The following KCTD20 variants were observed in gnomAD, a reference collection of about 807,000 sequenced individuals.
KCTD20 encodes BTB/POZ domain-containing protein KCTD20.
In KCTD20, 30 loss-of-function variants were observed where a neutral mutation model predicts 39.6. The ratio of observed to expected loss-of-function variants is 0.76; its 90% CI spans 0.57 to 1.03. KCTD20 has a LOEUF of 1.03. Among genes scored for constraint, KCTD20 ranks in the 50% least tolerant of loss-of-function variants. The probability of loss-of-function intolerance (pLI) is 0.00; values close to 1 mark genes in which losing one functional copy is unlikely to be tolerated. For synonymous variants in KCTD20, 162 were observed against 180.6 expected (o/e 0.90, Z 0.83); for missense variants, 422 against 522.0 (o/e 0.81, Z 1.87).
chr6:36,477,333 T>C (rs1173839705), intron 3 of KCTD20, among the ~76,000 whole-genome samples: 1 of 152,202 alleles, frequency 6.6e-6, no homozygotes, highest in Non-Finnish European at 1.5e-5. Flanking sequence ...ATGTTCACTA[T>C]TTTTATTCAG....
chr6:36,483,188 T>C (rs1053641066), intron 6 of KCTD20, among the ~76,000 whole-genome samples: 12 of 151,308 alleles, frequency 7.9e-5, no homozygotes, highest in African/African-American at 2.7e-4. Flanking sequence ...TCCATAAAAT[T>C]TGTACCAATT....
At chr6:36,472,840 AG>A (rs1268886895) in intron 2 of KCTD20, among the ~76,000 whole-genome samples, 2 of 152,054 alleles carry the variant, frequency 1.3e-5, no homozygotes, top group Non-Finnish European at 2.9e-5. Context: ...ATATACATCC[AG>A]ATTTCATATA....
intron 2 of KCTD20, among the ~76,000 whole-genome samples, chr6:36,473,696 C>T (rs2127447431): frequency 6.6e-6 from 1 of 152,126 alleles, no homozygotes; most frequent in South Asian, 2.1e-4. Context: ...TAGCGTGAAC[C>T]TGGGAGGCGG....
rs1475951341 is a variant in KCTD20 at position 36,469,200 on chromosome 6, G to A, written c.-46-852G>A. Reference sequence around the variant, plus strand: ...TGATTCTTCCACCAGAATGCCAGTGGAAATTTGTACAGTGTAAACTGTGAA... The same window carrying A: ...TGATTCTTCCACCAGAATGCCAGTGAAAATTTGTACAGTGTAAACTGTGAA... On this transcript the variant is annotated intron_variant, in intron 1 of 7. Coordinates refer to ENST00000373731, the MANE Select transcript of KCTD20 (RefSeq NM_173562.5). This position sits in a 1 kb window ranked among gnomAD's most constrained non-coding sequence, Gnocchi z 4.6. Among the ~76,000 whole-genome samples the A allele has an allele frequency of 1.3e-5, 2 of 152,180 alleles. No homozygotes were observed. The highest frequency in any genetic ancestry group is 1.3e-4 in the Admixed American group (2 of 15,268).
At chr6:36,475,507 G>A (rs1776037446) in intron 3 of KCTD20, among the ~76,000 whole-genome samples, 1 of 152,086 alleles carries the variant, frequency 6.6e-6, no homozygotes, top group Non-Finnish European at 1.5e-5. Flanking sequence ...GAAAGGGAGG[G>A]CAAGCTGGTA....
At position 36,469,248 on chromosome 6, in the gene KCTD20, A is replaced by G. The variant is rs143792850; in HGVS notation, c.-46-804A>G. The stretch of plus-strand genomic sequence containing the variant: ...GAAAGTGCTAAGTAGAGTGAACTTC[A>G]GAAATATTTTGAGTAGCCGCCATCG... On this transcript the variant is annotated intron_variant, in intron 1 of 7. Transcript: ENST00000373731. The surrounding 1 kb of genome is among the most constrained non-coding windows in gnomAD (Gnocchi z 4.6). Among the ~76,000 whole-genome samples the G allele has an allele frequency of 7.9e-5, 12 of 152,340 alleles. No individual in the cohort carries two copies. The East Asian group carries it at 1.9e-3, about 24-fold the overall frequency.
chr6:36,453,048 C>CT, intron 1 of KCTD20, among the ~76,000 whole-genome samples: 1 of 134,016 alleles, frequency 7.5e-6, no homozygotes, highest in Admixed American at 8.5e-5. Context: ...CACTCTGTTG[C>CT]CCTGGCTGGA....
intron 1 of KCTD20, among the ~76,000 whole-genome samples, chr6:36,457,926 G>C (rs1775485762): frequency 6.6e-6 from 1 of 152,164 alleles, no homozygotes; most frequent in Non-Finnish European, 1.5e-5. Flanking sequence ...GTGTTTTGTA[G>C]TCTTGGGTGG....
chr6:36,488,365 CA>C lies in KCTD20; in HGVS notation c.*1191del, dbSNP rs1320643467. The C allele has an allele frequency of 1.6e-4, 25 of 152,202 alleles. No homozygotes were observed. Among genetic ancestry groups the C allele is most frequent in the African/African-American group, 5.3e-4 (22 of 41,430 alleles). 9.4% of individuals were successfully genotyped at this position (152,202 alleles called of 1,614,324 possible). A position where few individuals can be genotyped will look rare whatever the true frequency, so the allele number is the denominator to read the frequency against. On this transcript the variant is annotated 3_prime_UTR_variant, in exon 8 of 8. Transcript: ENST00000373731. ...TTATTTGATCTATTAGCTCTGTTAT[CA>C]GTGCATGATCACCCAGATCACCCTC...
intron 3 of KCTD20, among the ~76,000 whole-genome samples, chr6:36,475,363 C>T (rs1349005247): frequency 1.3e-5 from 2 of 151,634 alleles, no homozygotes; most frequent in Admixed American, 1.3e-4. Context: ...GCAGGAGAAT[C>T]GCCTGAACCT....
rs1387722494 is a variant in KCTD20, at chr6:36,469,098, T to G, written c.-46-954T>G. Among the ~76,000 whole-genome samples the G allele has an allele frequency of 6.6e-6, 1 of 152,262 alleles. No homozygotes were observed. The highest frequency in any genetic ancestry group is 1.5e-5 in the Non-Finnish European group (1 of 68,050). On this transcript the variant is annotated intron_variant, in intron 1 of 7. Coordinates refer to ENST00000373731, the MANE Select transcript of KCTD20 (RefSeq NM_173562.5). This position sits in a 1 kb window ranked among gnomAD's most constrained non-coding sequence, Gnocchi z 4.6. ...AATTCAGAGTATTAAAATGCATTAC[T>G]GCCCTTAGTGAGCTTCCTGTTTCCT...
chr6:36,465,036 G>A (rs1333377406), intron 1 of KCTD20, among the ~76,000 whole-genome samples: 1 of 152,076 alleles, frequency 6.6e-6, no homozygotes. Flanking sequence ...GGTGGCTCAC[G>A]CCTGTAATCC....
chr6:36,460,114 G>A (rs533840148), intron 1 of KCTD20, among the ~76,000 whole-genome samples: 8 of 152,182 alleles, frequency 5.3e-5, no homozygotes, highest in Admixed American at 5.2e-4. Flanking sequence ...ATTATATGTT[G>A]ACCAGCTTTT....
Position 36,481,595 on chromosome 6 carries a change from C to A in KCTD20, c.692C>A (p.Ala231Asp), listed in dbSNP as rs1441507759. 1 of 1,614,036 alleles carries A rather than the reference C, an allele frequency of 6.2e-7. No homozygotes were observed. Among genetic ancestry groups the A allele is most frequent in the Non-Finnish European group, 8.5e-7 (1 of 1,180,020 alleles). ...ALLHELSNDG[A>D]HKQFDHYLEE... is the part of the protein sequence containing the mutation. The stretch of plus-strand genomic sequence containing the variant: ...CTCCATGAACTGTCTAATGACGGTG[C>A]TCATAAGCAGTTTGATCACTACCTC... Residue 231 changes from alanine to aspartate, a missense_variant, in exon 6 of 8, where the codon GCT (alanine) becomes GAT (aspartate). Physicochemically the swap from Ala to Asp is moderately radical, Grantham distance 126. Transcript: ENST00000373731.
At chr6:36,446,172 G>A (rs1010678099) in intron 1 of KCTD20, among the ~76,000 whole-genome samples, 26 of 151,772 alleles carry the variant, frequency 1.7e-4, no homozygotes, top group African/African-American at 4.3e-4. Flanking sequence ...GATTACAGGC[G>A]CCCGCTACCA....
At chr6:36,464,518 C>A (rs371594063) in intron 1 of KCTD20, among the ~76,000 whole-genome samples, 79 of 152,262 alleles carry the variant, frequency 5.2e-4, no homozygotes, top group Middle Eastern at 3.4e-3. Flanking sequence ...TCAGTACTTT[C>A]GGAATATGAT....
At position 36,475,016 on chromosome 6, in the gene KCTD20, G is replaced by C; in HGVS notation, c.388G>C (p.Val130Leu). ...TCTTGTAGATGGCACACGTTTTGTT[G>C]TGAATCCACAGATTTTCACTGCTCA... is the stretch of plus-strand genomic sequence containing the variant. ...TLLVDGTRFV[V>L]NPQIFTAHPD... is the part of the protein sequence containing the mutation. The change falls in exon 3 of 8, where the codon GTG becomes CTG. Residue 130 changes from valine (V) to leucine (L), a missense_variant. By Grantham distance (32) the Val-to-Leu change is conservative. Coordinates refer to ENST00000373731, the MANE Select transcript of KCTD20 (RefSeq NM_173562.5). 6.2e-7 allele frequency: 1 copy of C among 1,614,114 alleles called. No homozygotes were observed. The highest frequency in any genetic ancestry group is 8.5e-7 in the Non-Finnish European group (1 of 1,180,008).
intron 3 of KCTD20, 96 bp from the exon 4 acceptor site, chr6:36,479,025 G>T: frequency 1.3e-6 from 1 of 796,388 alleles, no homozygotes; most frequent in South Asian, 1.6e-5. Flanking sequence ...TGAGAGAGTG[G>T]GATGGAGTCT....
intron 7 of KCTD20, among the ~76,000 whole-genome samples, chr6:36,485,488 C>CTT (rs34990483): frequency 0.013 from 1,243 of 96,978 alleles, 4 homozygotes; most frequent in Non-Finnish European, 0.017. Flanking sequence ...TGGAGTGGAT[C>CTT]TTTTTTTTTT....
Sources: allele counts gnomAD v4.1 joint callset (sites outside exome capture counted in the v4.1 genomes callset), GRCh38; gene constraint gnomAD v4.1.1; non-coding constraint Gnocchi (gnomAD v3.1); transcripts MANE v1.5; gene names NCBI Gene and HGNC (gene_info 2026-07-23, HGNC 2026-07-21).